The following GABARAPL1 variants were observed in gnomAD, a reference collection of about 807,000 sequenced individuals.
GABARAPL1 encodes gamma-aminobutyric acid receptor-associated protein-like 1.
Under a neutral mutation model 14.5 loss-of-function variants are expected in GABARAPL1, and 4 were observed. The ratio of observed to expected loss-of-function variants is 0.28; its 90% CI spans 0.14 to 0.63. GABARAPL1 has a LOEUF of 0.63. Among genes scored for constraint, GABARAPL1 ranks in the 30% least tolerant of loss-of-function variants. The probability of loss-of-function intolerance (pLI) is 0.84; values close to 1 mark genes in which losing one functional copy is unlikely to be tolerated. For synonymous variants in GABARAPL1, 47 were observed against 50.6 expected (o/e 0.93, Z 0.30); for missense variants, 82 against 139.2 (o/e 0.59, Z 2.07).
intron 3 of GABARAPL1, chr12:10,221,585 T>C (rs1949120494): frequency 2.1e-6 from 1 of 476,192 alleles, no homozygotes. Flanking sequence ...CTATGTGTAA[T>C]ATGTTTTCAA....
chr12:10,218,196 C>T (rs991756443), intron 2 of GABARAPL1, 55 bp downstream of exon 2: 41 of 953,818 alleles, frequency 4.3e-5, no homozygotes, highest in Non-Finnish European at 5.0e-5. Flanking sequence ...TCTCTAGATC[C>T]TCATTACATG....
Position 10,222,128 on chromosome 12 carries a change from G to A in GABARAPL1, c.*276G>A, listed in dbSNP as rs1949123121. 2.3e-6 allele frequency: 1 copy of A among 431,944 alleles called. No individual in the cohort carries two copies. The highest frequency in any genetic ancestry group is 7.0e-4 in the Middle Eastern group (1 of 1,438). 26.8% of individuals were successfully genotyped at this position (431,944 alleles called of 1,614,324 possible). On this transcript the variant is annotated 3_prime_UTR_variant, in exon 4 of 4. Transcript: ENST00000266458. Reference sequence around the variant, plus strand: ...ATGATGTAAGTTTACAGTATTCCTGGGGTTTAATTGTTGTGCAGTTTCATA... The same window carrying A: ...ATGATGTAAGTTTACAGTATTCCTGAGGTTTAATTGTTGTGCAGTTTCATA...
intron 1 of GABARAPL1, among the ~76,000 whole-genome samples, chr12:10,216,289 TGAGCCCAGGAGGTG>T (rs1407786836): frequency 3.3e-5 from 5 of 151,894 alleles, no homozygotes; most frequent in Non-Finnish European, 7.4e-5. Flanking sequence ...GAGAATCGCT[TGAGCCCAGGAGGTG>T]GAGGTTGCAG....
rs138692315 is a variant in GABARAPL1 at position 10,220,350 on chromosome 12, T to C, written c.170-90T>C. 8.9e-6 allele frequency: 14 copies of C among 1,573,636 alleles called. No individual in the cohort carries two copies. In the East Asian group the frequency reaches 2.5e-4, roughly 28 times the overall value. ...TGGTACTGACTCTAAGGTGAAAAAA[T>C]GCAATTGAATTTTTTTCCAGGACTT... On this transcript the variant is annotated intron_variant, in intron 2 of 3. Transcript: ENST00000266458.
At position 10,213,379 on chromosome 12, in the gene GABARAPL1, G is replaced by A. The variant is rs185579955; in HGVS notation, c.90+160G>A. ...CCCTTCAGTGCCAGAGCCAATGGACGTCCAGACTGTAGAGCTTTTAAAACC... is the reference window on the plus strand; with the variant it reads ...CCCTTCAGTGCCAGAGCCAATGGACATCCAGACTGTAGAGCTTTTAAAACC... On this transcript the variant is annotated intron_variant, in intron 1 of 3. Transcript: ENST00000266458. The A allele has an allele frequency of 7.2e-6, 5 of 696,370 alleles. No homozygotes were observed. The East Asian group carries it at 1.1e-4, about 15-fold the overall frequency. The allele number at this position is 696,370 out of a possible 1,614,324, so 43.1% of individuals were successfully genotyped here. A position where few individuals can be genotyped will look rare whatever the true frequency, so the allele number is the denominator to read the frequency against.
At chr12:10,216,799 C>T (rs960721320) in intron 1 of GABARAPL1, among the ~76,000 whole-genome samples, 4 of 152,132 alleles carry the variant, frequency 2.6e-5, no homozygotes, top group African/African-American at 4.8e-5. Flanking sequence ...CTCGACCTCC[C>T]AAAGTGCTGG....
At chr12:10,213,427 C>G (rs1565436005) in intron 1 of GABARAPL1, 1 of 635,300 alleles carries the variant, frequency 1.6e-6, no homozygotes, top group Non-Finnish European at 2.9e-6. Flanking sequence ...GCCCCGAACC[C>G]CACTTCAGGG....
chr12:10,213,245 G>T, intron 1 of GABARAPL1, 26 bp downstream of exon 1: 1 of 1,415,346 alleles, frequency 7.1e-7, no homozygotes, highest in East Asian at 2.4e-5. Context: ...CGGAGGGGAT[G>T]GGAGGGGAAG....
chr12:10,213,668 A>G, intron 1 of GABARAPL1: 1 of 347,356 alleles, frequency 2.9e-6, no homozygotes, highest in Non-Finnish European at 5.7e-6. Context: ...GTTCTCCTTT[A>G]ATGAAGTTGA....
intron 3 of GABARAPL1, chr12:10,220,955 C>T: frequency 2.4e-6 from 3 of 1,271,746 alleles, no homozygotes; most frequent in Non-Finnish European, 3.0e-6. Flanking sequence ...ATTTTACTCC[C>T]ATTTAGCAAC....
intron 2 of GABARAPL1, among the ~76,000 whole-genome samples, chr12:10,218,970 C>T (rs934664526): frequency 6.6e-6 from 1 of 151,876 alleles, no homozygotes; most frequent in Non-Finnish European, 1.5e-5. Flanking sequence ...CCTTGGCCTC[C>T]CAAATTGCTG....
At chr12:10,215,710 G>A (rs1043302826) in intron 1 of GABARAPL1, among the ~76,000 whole-genome samples, 2 of 152,048 alleles carry the variant, frequency 1.3e-5, no homozygotes, top group South Asian at 2.1e-4. Context: ...CTAGGTGTCC[G>A]AGTTCCTTTG....
At chr12:10,216,890 A>G (rs1202450914) in intron 1 of GABARAPL1, among the ~76,000 whole-genome samples, 1 of 152,072 alleles carries the variant, frequency 6.6e-6, no homozygotes, top group East Asian at 1.9e-4. Flanking sequence ...TTTACAATAG[A>G]TATTTTCTGT....
chr12:10,214,142 G>T, intron 1 of GABARAPL1: 1 of 237,320 alleles, frequency 4.2e-6, no homozygotes, highest in Non-Finnish European at 8.9e-6. Context: ...GTTGGATTTT[G>T]GAAATGGAGG....
In GABARAPL1 at chr12:10,213,325, A is replaced by T. The variant is rs777559876; in HGVS notation, c.90+106A>T. 11 of 735,620 alleles carry T rather than the reference A, an allele frequency of 1.5e-5. No homozygotes were observed. In the South Asian group the frequency reaches 1.6e-4, roughly 11 times the overall value. The allele number at this position is 735,620 out of a possible 1,614,324, so 45.6% of individuals were successfully genotyped here. On this transcript the variant is annotated intron_variant, in intron 1 of 3. Coordinates refer to ENST00000266458, the MANE Select transcript of GABARAPL1 (RefSeq NM_031412.4). Reference sequence around the variant, plus strand: ...GCGCCCAGGCGGCTCTGGAGAAGGGAGGTTCCGAGAATTACTTAATCCTGA... The same window carrying T: ...GCGCCCAGGCGGCTCTGGAGAAGGGTGGTTCCGAGAATTACTTAATCCTGA...
Sources: allele counts gnomAD v4.1 joint callset (sites outside exome capture counted in the v4.1 genomes callset), GRCh38; gene constraint gnomAD v4.1.1; transcripts MANE v1.5; gene names NCBI Gene and HGNC (gene_info 2026-07-23, HGNC 2026-07-21).